Variants in CNTN5 observed in about 807,000 individuals in gnomAD.
CNTN5 encodes contactin-5.
CNTN5 carries 77 observed loss-of-function variants against 129.1 expected under a neutral mutation model. The observed-to-expected ratio is 0.60, with a 90% CI of 0.50 to 0.72. The LOEUF is 0.72. Ranked by LOEUF, CNTN5 falls within the 30% of genes least tolerant of loss-of-function variation. The pLI is 0.00. For synonymous variants in CNTN5, 509 were observed against 465.6 expected (o/e 1.09, Z -1.20); for missense variants, 1,478 against 1,328.8 (o/e 1.11, Z -1.75).
intron 3 of CNTN5, among the ~76,000 whole-genome samples, chr11:99,679,489 C>G (rs1953458238): frequency 1.3e-5 from 2 of 152,014 alleles, no homozygotes; most frequent in Admixed American, 6.6e-5. Context: ...GATCTTTGAT[C>G]AGGGATCTTT....
chr11:99,656,945 G>GA (rs71050013), intron 3 of CNTN5, among the ~76,000 whole-genome samples: 65 of 148,658 alleles, frequency 4.4e-4, no homozygotes, highest in East Asian at 1.6e-3. Flanking sequence ...CAGACATTTT[G>GA]AAAAAAAAAA....
chr11:99,752,048 C>T (rs1043408802), intron 3 of CNTN5, among the ~76,000 whole-genome samples: 5 of 94,522 alleles, frequency 5.3e-5, no homozygotes, highest in African/African-American at 1.9e-4. Context: ...GACTTCCAGC[C>T]TTCAGAACTG....
chr11:99,550,548 G>A (rs191485841), intron 2 of CNTN5, among the ~76,000 whole-genome samples: 7 of 152,244 alleles, frequency 4.6e-5, no homozygotes, highest in East Asian at 1.9e-4. Flanking sequence ...TCATGGTTGA[G>A]ATGGAGAATA....
intron 8 of CNTN5, among the ~76,000 whole-genome samples, chr11:99,993,722 G>A (rs1339853495): frequency 6.6e-6 from 1 of 152,076 alleles, no homozygotes. Context: ...GACCACTGCA[G>A]GTCTGTGGCC....
intron 1 of CNTN5, among the ~76,000 whole-genome samples, chr11:99,105,653 T>C (rs1030047742): frequency 6.6e-6 from 1 of 152,156 alleles, no homozygotes; most frequent in Admixed American, 6.5e-5. Context: ...CGTTTTCTGA[T>C]AAAATGTCTG....
chr11:99,380,862 T>C (rs552487276), intron 2 of CNTN5, among the ~76,000 whole-genome samples: 39 of 151,988 alleles, frequency 2.6e-4, no homozygotes, highest in African/African-American at 8.9e-4. Context: ...CAGACCCATG[T>C]ATAGATACTG....
At chr11:99,891,608 G>T (rs1224843308) in intron 6 of CNTN5, among the ~76,000 whole-genome samples, 1 of 152,006 alleles carries the variant, frequency 6.6e-6, no homozygotes, top group African/African-American at 2.4e-5. Flanking sequence ...GTGTTAGTTT[G>T]CTGAGAATGA....
Position 99,561,823 on chromosome 11 carries a change from T to C in CNTN5, c.55+5554T>C, listed in dbSNP as rs144329338. Among the ~76,000 whole-genome samples, 1,306 of 152,308 alleles carry C rather than the reference T, an allele frequency of 8.6e-3. 14 individuals carry two copies. The highest frequency in any genetic ancestry group is 0.014 in the Middle Eastern group (4 of 294). On this transcript the variant is annotated intron_variant, in intron 3 of 24. Transcript: ENST00000524871. ...TGATAACTAAATGTAATGAGGTATA[T>C]TGGATAGGATCTCATAAGAGAAAAA...
intron 3 of CNTN5, among the ~76,000 whole-genome samples, chr11:99,567,333 A>G (rs1949038102): frequency 1.3e-5 from 2 of 151,870 alleles, no homozygotes; most frequent in South Asian, 4.2e-4. Context: ...TTCTAATGTC[A>G]GCTGTATTGC....
intron 2 of CNTN5, among the ~76,000 whole-genome samples, chr11:99,395,361 T>C (rs1296130158): frequency 6.6e-6 from 1 of 151,978 alleles, no homozygotes; most frequent in African/African-American, 2.4e-5. Context: ...CCTGTTCATG[T>C]CCTTTACTCA....
At chr11:99,618,565 A>G (rs1433455989) in intron 3 of CNTN5, among the ~76,000 whole-genome samples, 1 of 152,210 alleles carries the variant, frequency 6.6e-6, no homozygotes, top group Non-Finnish European at 1.5e-5. Context: ...TCTTCAGCAC[A>G]AAGTTTCACT....
At chr11:99,510,206 A>T (rs981424796) in intron 2 of CNTN5, among the ~76,000 whole-genome samples, 5 of 152,220 alleles carry the variant, frequency 3.3e-5, no homozygotes, top group Admixed American at 6.5e-5. Flanking sequence ...GGCAACAAGT[A>T]TATAAATCAG....
At chr11:99,935,728 A>G (rs560366043) in intron 7 of CNTN5, among the ~76,000 whole-genome samples, 3 of 152,130 alleles carry the variant, frequency 2.0e-5, no homozygotes, top group Non-Finnish European at 4.4e-5. Context: ...AAAAGAGTGT[A>G]ACAATATAAG....
intron 2 of CNTN5, among the ~76,000 whole-genome samples, chr11:99,450,495 T>A (rs1190731419): frequency 1.3e-5 from 2 of 152,190 alleles, no homozygotes; most frequent in Middle Eastern, 6.8e-3. Context: ...AAGATGATAA[T>A]CTTAAATCTT....
chr11:99,200,709 G>A (rs1428192966), intron 1 of CNTN5, among the ~76,000 whole-genome samples: 16 of 152,158 alleles, frequency 1.1e-4, no homozygotes, highest in Admixed American at 1.0e-3. Flanking sequence ...AAGGACAGGA[G>A]CTGGTGCATA....
intron 13 of CNTN5, among the ~76,000 whole-genome samples, chr11:100,137,369 TATTA>T (rs1366491000): frequency 6.6e-6 from 1 of 152,142 alleles, no homozygotes; most frequent in East Asian, 1.9e-4. Context: ...TTTATTCAAC[TATTA>T]ATTCAATTTA....
intron 21 of CNTN5, among the ~76,000 whole-genome samples, chr11:100,318,904 C>A (rs539889133): frequency 6.6e-6 from 1 of 151,778 alleles, no homozygotes; most frequent in African/African-American, 2.4e-5. Flanking sequence ...ACTAAATAGC[C>A]GAGACTTTAT....
intron 7 of CNTN5, among the ~76,000 whole-genome samples, chr11:99,938,909 A>G (rs1205872062): frequency 6.6e-6 from 1 of 152,104 alleles, no homozygotes; most frequent in East Asian, 1.9e-4. Context: ...TTGCTTTAGA[A>G]AATCTAATTG....
At chr11:99,314,743 G>A (rs1865267557) in intron 1 of CNTN5, among the ~76,000 whole-genome samples, 1 of 128,596 alleles carries the variant, frequency 7.8e-6, no homozygotes, top group East Asian at 2.2e-4. Flanking sequence ...AAGGAAGAGA[G>A]GGGAGGAGAA....
Sources: allele counts gnomAD v4.1 joint callset (sites outside exome capture counted in the v4.1 genomes callset), GRCh38; gene constraint gnomAD v4.1.1; transcripts MANE v1.5; gene names NCBI Gene and HGNC (gene_info 2026-07-23, HGNC 2026-07-21).